LCMT1: variants seen among roughly 807,000 people sequenced by gnomAD.
LCMT1 encodes the protein leucine carboxyl methyltransferase 1.
A neutral mutation model predicts 47.7 loss-of-function variants in LCMT1; 32 were observed. That is an observed-to-expected ratio of 0.67 (90% confidence interval 0.51 to 0.90). The LOEUF (loss-of-function observed/expected upper bound fraction) is 0.90. LCMT1 is among the 40% of genes least tolerant of loss of function. The probability of loss-of-function intolerance (pLI) is 0.00; values close to 1 mark genes in which losing one functional copy is unlikely to be tolerated. For synonymous variants in LCMT1, 152 were observed against 149.7 expected (o/e 1.02, Z -0.11); for missense variants, 375 against 415.2 (o/e 0.90, Z 0.84).
chr16:25,163,226 T>C (rs1453112228), intron 6 of LCMT1, among the ~76,000 whole-genome samples: 1 of 152,176 alleles, frequency 6.6e-6, no homozygotes, highest in Non-Finnish European at 1.5e-5. Flanking sequence ...CCCAGCACTT[T>C]GGGAGGCCAA....
intron 1 of LCMT1, among the ~76,000 whole-genome samples, chr16:25,115,874 C>T (rs576112549): frequency 6.6e-6 from 1 of 152,304 alleles, no homozygotes; most frequent in East Asian, 1.9e-4. Context: ...GAAGGGGTTT[C>T]ACCATGTTGG....
At chr16:25,147,303 A>C (rs1001982921) in intron 4 of LCMT1, 8 of 152,232 alleles carry the variant, frequency 5.3e-5, no homozygotes, top group Admixed American at 3.3e-4. Flanking sequence ...GGGAAGCAAA[A>C]GAGGGTGCCT....
intron 1 of LCMT1, among the ~76,000 whole-genome samples, chr16:25,127,520 G>A (rs1049057706): frequency 2.0e-5 from 3 of 152,188 alleles, no homozygotes; most frequent in African/African-American, 4.8e-5. Context: ...TCAGGCCAGA[G>A]GTAAGCCTTA....
chr16:25,171,391 G>A (rs1352981843), intron 9 of LCMT1, among the ~76,000 whole-genome samples: 1 of 151,956 alleles, frequency 6.6e-6, no homozygotes, highest in Non-Finnish European at 1.5e-5. Context: ...CAGCCTGTGC[G>A]ACAGAGCAAG....
At chr16:25,142,585 T>G (rs530141155) in intron 4 of LCMT1, 99 of 152,296 alleles carry the variant, frequency 6.5e-4, no homozygotes, top group African/African-American at 2.2e-3. Flanking sequence ...CCGGAAAGGT[T>G]GTCAAGAGAG....
At chr16:25,112,909 G>A (rs1352165144) in intron 1 of LCMT1, among the ~76,000 whole-genome samples, 1 of 152,096 alleles carries the variant, frequency 6.6e-6, no homozygotes, top group East Asian at 1.9e-4. Context: ...TTGGGAGGCC[G>A]AGGTGGGCAG....
At chr16:25,126,495 C>T (rs1366977232) in intron 1 of LCMT1, among the ~76,000 whole-genome samples, 4 of 149,334 alleles carry the variant, frequency 2.7e-5, no homozygotes, top group South Asian at 4.3e-4. Flanking sequence ...AGGCCTCCCC[C>T]GTGACCGTCT....
At chr16:25,128,119 G>A (rs113717286) in intron 1 of LCMT1, among the ~76,000 whole-genome samples, 10 of 152,290 alleles carry the variant, frequency 6.6e-5, no homozygotes, top group African/African-American at 2.4e-4. Context: ...GGAATTAACT[G>A]ACTAGCTCTG....
At chr16:25,136,193 A>G (rs887356479) in intron 3 of LCMT1, among the ~76,000 whole-genome samples, 2 of 151,918 alleles carry the variant, frequency 1.3e-5, no homozygotes, top group African/African-American at 2.4e-5. Context: ...CATGGAACCA[A>G]TGGATCCCTA....
chr16:25,112,237 C>T (rs888568864), intron 1 of LCMT1, among the ~76,000 whole-genome samples: 1 of 152,218 alleles, frequency 6.6e-6, no homozygotes, highest in Non-Finnish European at 1.5e-5. Context: ...GGAGCAGGCC[C>T]CTGAGCCAGA....
Position 25,178,059 on chromosome 16 carries a change from C to T in LCMT1, c.*36C>T, listed in dbSNP as rs766595468. 28 of 1,611,208 alleles carry T rather than the reference C, an allele frequency of 1.7e-5. No individual in the cohort carries two copies. The Admixed American group carries it at 2.5e-4, about 14-fold the overall frequency. Reference sequence around the variant, plus strand: ...GCTTATGCCGAGCCAGAAGCCGAAGCCACTTGCCCTCCTGGAGGAGACCTG... The same window carrying T: ...GCTTATGCCGAGCCAGAAGCCGAAGTCACTTGCCCTCCTGGAGGAGACCTG... On this transcript the variant is annotated 3_prime_UTR_variant, in exon 11 of 11. Transcript: ENST00000399069.
At chr16:25,143,099 C>G (rs2141668468) in intron 4 of LCMT1, 1 of 152,296 alleles carries the variant, frequency 6.6e-6, no homozygotes, top group Non-Finnish European at 1.5e-5. Flanking sequence ...TTAGTGGGGA[C>G]TGGCAGGATT....
chr16:25,163,964 C>T (rs138495885), intron 6 of LCMT1, among the ~76,000 whole-genome samples: 2 of 152,198 alleles, frequency 1.3e-5, no homozygotes, highest in East Asian at 3.9e-4. Flanking sequence ...GATGGTTCTG[C>T]TTGTGGTTGG....
At chr16:25,172,959 C>G (rs748227525) in intron 9 of LCMT1, among the ~76,000 whole-genome samples, 2 of 152,248 alleles carry the variant, frequency 1.3e-5, no homozygotes, top group African/African-American at 2.4e-5. Flanking sequence ...TCATTTGTCT[C>G]ATGTTTCCAG....
chr16:25,128,936 T>A (rs2141645184), intron 2 of LCMT1, among the ~76,000 whole-genome samples: 1 of 141,316 alleles, frequency 7.1e-6, no homozygotes, highest in Admixed American at 7.6e-5. Flanking sequence ...GGGAGAGCAT[T>A]AGGATAAATA....
chr16:25,161,300 A>AT (rs1282048481), intron 6 of LCMT1, 96 bp downstream of exon 6: 2 of 581,058 alleles, frequency 3.4e-6, no homozygotes, highest in Non-Finnish European at 5.9e-6. Flanking sequence ...TTCATGTTCC[A>AT]TTTTTTATTC....
rs143552244 is a variant in LCMT1, at chr16:25,153,502, G to A, written c.466+1887G>A. 3.3e-3 allele frequency among the ~76,000 whole-genome samples: 497 copies of A among 152,274 alleles called. 3 individuals are homozygous for A. Among genetic ancestry groups the A allele is most frequent in the African/African-American group, 0.012 (482 of 41,534 alleles). On this transcript the variant is annotated intron_variant, in intron 5 of 10. Transcript: ENST00000399069. ...CAATCCCAATCCCAATCCCAAGCAA[G>A]TGGCATTAATTCATTCATTGGGACT...
At chr16:25,112,326 T>C (rs1395299153) in intron 1 of LCMT1, among the ~76,000 whole-genome samples, 1 of 152,120 alleles carries the variant, frequency 6.6e-6, no homozygotes, top group Non-Finnish European at 1.5e-5. Context: ...CCAGCCTCGA[T>C]GGGTTACGAG....
intron 4 of LCMT1, chr16:25,141,733 G>A (rs1374619836): frequency 6.6e-6 from 1 of 152,206 alleles, no homozygotes; most frequent in Admixed American, 6.5e-5. Flanking sequence ...GTTTATTACT[G>A]TGCATACCCG....
Sources: allele counts gnomAD v4.1 joint callset (sites outside exome capture counted in the v4.1 genomes callset), GRCh38; gene constraint gnomAD v4.1.1; transcripts MANE v1.5; gene names NCBI Gene and HGNC (gene_info 2026-07-23, HGNC 2026-07-21).